The following UBE2Q2 variants were observed in gnomAD, a reference collection of about 807,000 sequenced individuals.
The protein encoded by UBE2Q2 is ubiquitin-conjugating enzyme E2 Q2.
Under a neutral mutation model 59.9 loss-of-function variants are expected in UBE2Q2, and 54 were observed. The observed-to-expected ratio is 0.90, with a 90% CI of 0.72 to 1.13. The LOEUF (loss-of-function observed/expected upper bound fraction) is 1.13. UBE2Q2 is among the 50% of genes most tolerant of loss of function. The probability of loss-of-function intolerance (pLI) is 0.00; values close to 1 mark genes in which losing one functional copy is unlikely to be tolerated. For synonymous variants in UBE2Q2, 165 were observed against 155.2 expected, an observed-to-expected ratio of 1.06 and a Z score of -0.47; for missense variants, 433 against 441.9, an observed-to-expected ratio of 0.98 and a Z score of 0.18.
At chr15:75,897,724 T>C (rs1312853994) in intron 12 of UBE2Q2, among the ~76,000 whole-genome samples, 2 of 151,852 alleles carry the variant, frequency 1.3e-5, no homozygotes, top group African/African-American at 4.8e-5. Flanking sequence ...CAGTGGTTGT[T>C]TACAGGCGTG....
rs199550490 is a variant in UBE2Q2, at chr15:75,891,044, A to G, written c.1029+30A>G. On this transcript the variant is annotated intron_variant, in intron 11 of 12. Coordinates refer to ENST00000267938, the MANE Select transcript of UBE2Q2 (RefSeq NM_173469.4). ...TTCTGTTAAGAATTTTACATAAACC[A>G]TAAGATACATTTTATATTACTTTAT... 4,730 of 1,519,374 alleles carry G rather than the reference A, an allele frequency of 3.1e-3. 7 individuals are homozygous for G. The highest frequency in any genetic ancestry group is 4.0e-3 in the Non-Finnish European group (4,399 of 1,096,704). The allele number at this position is 1,519,374 out of a possible 1,614,324, so 94.1% of individuals were successfully genotyped here. A position where few individuals can be genotyped will look rare whatever the true frequency, so the allele number is the denominator to read the frequency against.
chr15:75,875,560 G>C (rs919709032), intron 5 of UBE2Q2, among the ~76,000 whole-genome samples: 1 of 152,114 alleles, frequency 6.6e-6, no homozygotes, highest in Non-Finnish European at 1.5e-5. Flanking sequence ...GTGTCACCTT[G>C]AGTGTCTTCT....
At chr15:75,846,240 T>A (rs912924406) in intron 1 of UBE2Q2, among the ~76,000 whole-genome samples, 20 of 152,312 alleles carry the variant, frequency 1.3e-4, no homozygotes, top group Non-Finnish European at 8.8e-5. Flanking sequence ...TCTTTTATTT[T>A]TTATTATTAT....
At chr15:75,857,047 GC>G (rs1896955451) in intron 2 of UBE2Q2, among the ~76,000 whole-genome samples, 1 of 152,072 alleles carries the variant, frequency 6.6e-6, no homozygotes, top group African/African-American at 2.4e-5. Context: ...GATTGCTTGA[GC>G]CCAGGAGTTT....
chr15:75,880,713 C>A (rs769108594), intron 8 of UBE2Q2, among the ~76,000 whole-genome samples: 1 of 151,980 alleles, frequency 6.6e-6, no homozygotes, highest in Non-Finnish European at 1.5e-5. Flanking sequence ...CTTGGCCAGG[C>A]TGGTTTTGAA....
intron 12 of UBE2Q2, among the ~76,000 whole-genome samples, chr15:75,898,720 T>G (rs1402898948): frequency 6.6e-6 from 1 of 152,182 alleles, no homozygotes; most frequent in Non-Finnish European, 1.5e-5. Context: ...CCAAGTTCCT[T>G]GTATTCTAAA....
chr15:75,872,161 A>C (rs78045447), intron 4 of UBE2Q2, among the ~76,000 whole-genome samples: 1,783 of 152,046 alleles, frequency 0.012, 28 homozygotes, highest in African/African-American at 0.04. Flanking sequence ...CGGGGAGGTG[A>C]AGGCTGCAGT....
intron 9 of UBE2Q2, among the ~76,000 whole-genome samples, chr15:75,884,815 A>G (rs1898664789): frequency 6.6e-6 from 1 of 151,786 alleles, no homozygotes; most frequent in South Asian, 2.1e-4. Context: ...TGCCCAGCTA[A>G]TTTTTGTATT....
Position 75,897,054 on chromosome 15 carries a change from G to T in UBE2Q2, c.1089G>T (p.Glu363Asp). 6.4e-7 allele frequency: 1 copy of T among 1,558,152 alleles called. No individual in the cohort carries two copies. The highest frequency in any genetic ancestry group is 8.7e-7 in the Non-Finnish European group (1 of 1,147,400). Reference protein sequence around the residue: ...QSYNSIVQIHEKNGWYTPPKE... With the variant: ...QSYNSIVQIHDKNGWYTPPKE... ...ATAATTCCATTGTACAGATACATGA[G>T]AAAAATGGTATGTTTAATTCAATAA... Residue 363 changes from glutamate (E) to aspartate (D), a missense_variant, in exon 12 of 13, where the codon GAG becomes GAT. Coordinates refer to ENST00000267938, the MANE Select transcript of UBE2Q2 (RefSeq NM_173469.4).
At chr15:75,885,556 G>A (rs1031657991) in intron 9 of UBE2Q2, among the ~76,000 whole-genome samples, 8 of 152,180 alleles carry the variant, frequency 5.3e-5, no homozygotes, top group Admixed American at 5.2e-4. Flanking sequence ...TAATTTACAC[G>A]ATAGCATCTC....
chr15:75,885,774 G>A (rs1280654864), intron 9 of UBE2Q2, among the ~76,000 whole-genome samples: 4 of 152,206 alleles, frequency 2.6e-5, no homozygotes, highest in Non-Finnish European at 5.9e-5. Context: ...CCCAGGTTGG[G>A]TGTGAAATAG....
chr15:75,863,646 CTT>C (rs573351886), intron 3 of UBE2Q2, among the ~76,000 whole-genome samples: 1 of 135,648 alleles, frequency 7.4e-6, no homozygotes, highest in Non-Finnish European at 1.6e-5. Flanking sequence ...CCTGGCCAGT[CTT>C]TTTTTTTTTT....
chr15:75,868,023 C>T (rs1897593774), intron 3 of UBE2Q2, among the ~76,000 whole-genome samples: 1 of 152,200 alleles, frequency 6.6e-6, no homozygotes, highest in Non-Finnish European at 1.5e-5. Context: ...GGTATGTTTA[C>T]ATGGAATTCT....
intron 2 of UBE2Q2, among the ~76,000 whole-genome samples, chr15:75,858,383 G>T (rs1897029095): frequency 6.6e-6 from 1 of 152,100 alleles, no homozygotes; most frequent in African/African-American, 2.4e-5. Flanking sequence ...TCTTGTGATT[G>T]TGAGTGGGAC....
At chr15:75,874,891 C>G (rs1191412254) in intron 5 of UBE2Q2, among the ~76,000 whole-genome samples, 1 of 152,182 alleles carries the variant, frequency 6.6e-6, no homozygotes, top group African/African-American at 2.4e-5. Context: ...TTCCCCAAAA[C>G]AGGGAATGAA....
At chr15:75,855,671 C>T (rs1468171013) in intron 2 of UBE2Q2, among the ~76,000 whole-genome samples, 2 of 152,018 alleles carry the variant, frequency 1.3e-5, no homozygotes, top group Non-Finnish European at 2.9e-5. Context: ...CAATAGCTTT[C>T]CACAATTTTA....
At chr15:75,891,586 A>AGT (rs1899110283) in intron 11 of UBE2Q2, among the ~76,000 whole-genome samples, 1 of 151,986 alleles carries the variant, frequency 6.6e-6, no homozygotes, top group Admixed American at 6.6e-5. Flanking sequence ...ACTGAAGCAT[A>AGT]CAGAAGTTAG....
chr15:75,886,971 CT>C (rs1351234944), intron 9 of UBE2Q2, among the ~76,000 whole-genome samples: 1 of 151,600 alleles, frequency 6.6e-6, no homozygotes, highest in Non-Finnish European at 1.5e-5. Context: ...AGTTCATGAC[CT>C]TAGTTTACCA....
rs1431650251 is a variant in UBE2Q2, at chr15:75,873,451, T to G, written c.471T>G (p.Tyr157Ter). The change falls in exon 5 of 13, where the codon TAT (tyrosine) becomes TAG (stop). Residue 157 changes from tyrosine (Y) to a stop codon, truncating the protein, a stop_gained. Coordinates refer to ENST00000267938, the MANE Select transcript of UBE2Q2 (RefSeq NM_173469.4). LOFTEE classifies it high-confidence loss of function. ...AGGATATAGAAGACTTAGATCACTA[T>G]GAGATGAAGGAAGAAGAGCCTATTA... ...MAEDIEDLDHYEMKEEEPISG... is the reference protein window; with the variant it reads ...MAEDIEDLDH 1.2e-6 allele frequency: 2 copies of G among 1,612,488 alleles called. No individual in the cohort carries two copies. Among genetic ancestry groups the G allele is most frequent in the Admixed American group, 3.3e-5 (2 of 59,822 alleles).
Sources: allele counts gnomAD v4.1 joint callset (sites outside exome capture counted in the v4.1 genomes callset), GRCh38; gene constraint gnomAD v4.1.1; transcripts MANE v1.5; gene names NCBI Gene and HGNC (gene_info 2026-07-23, HGNC 2026-07-21).